Variants in SOX7 observed in about 807,000 individuals in gnomAD.
SOX7 encodes transcription factor SOX-7.
SOX7 carries 19 observed loss-of-function variants against 24.9 expected under a neutral mutation model. The observed-to-expected ratio is 0.76, with a 90% CI of 0.53 to 1.12. SOX7 has a LOEUF of 1.12. Among genes scored for constraint, SOX7 ranks in the 50% most tolerant of loss-of-function variants. SOX7 has a pLI of 0.00. For missense variants in SOX7, 702 were observed against 535.0 expected (o/e 1.31, Z -3.08); for synonymous variants, 327 against 244.5 (o/e 1.34, Z -3.15).
rs1447652166 is a variant in SOX7, at chr8:10,726,192, G to T, written c.713C>A (p.Pro238Gln). 9.9e-6 allele frequency: 16 copies of T among 1,612,532 alleles called. No individual in the cohort carries two copies. The Admixed American group carries it at 1.0e-4, about 10-fold the overall frequency. ...HGHPRRIPHL[P>Q]GHPYSPEYAP... ...GTACTCCGGTGAGTACGGGTGCCCT[G>T]GCAGGTGGGGGATGCGGCGGGGATG... The change falls in exon 2 of 2, where the codon CCA becomes CAA. Residue 238 changes from proline (P) to glutamine (Q), a missense_variant. Pro to Gln is a moderately conservative substitution (Grantham distance 76). Transcript: ENST00000304501.
rs200488622 is a variant in SOX7 at position 10,725,939 on chromosome 8, T to C, written c.966A>G (p.Glu322=). 1.9e-6 allele frequency: 3 copies of C among 1,613,204 alleles called. No individual in the cohort carries two copies. The East Asian group carries it at 6.7e-5, about 36-fold the overall frequency. The change falls in exon 2 of 2, where the codon GAA becomes GAG. Residue 322 remains glutamate (E), a synonymous_variant. Transcript: ENST00000304501. ...FDALDQLSQV[E]LLGDMDRNEF... ...CATTGCGATCCATGTCCCCCAGGAG[T>C]TCCACCTGGCTCAGTTGATCCAGGG...
chr8:10,724,776 G>GCAAT lies in SOX7; in HGVS notation c.*958_*961dup, dbSNP rs1358640058. 4.0e-5 allele frequency: 6 copies of GCAAT among 149,352 alleles called. No individual in the cohort carries two copies. In the East Asian group the frequency reaches 1.2e-3, roughly 29 times the overall value. The allele number at this position is 149,352 out of a possible 1,614,324, so 9.3% of individuals were successfully genotyped here. On this transcript the variant is annotated 3_prime_UTR_variant, in exon 2 of 2. Coordinates refer to ENST00000304501, the MANE Select transcript of SOX7 (RefSeq NM_031439.4). The stretch of plus-strand genomic sequence containing the variant: ...TCACTCTTGTTGCACAGGCTGGAGT[G>GCAAT]CAATGGTGCAATCTCAGCTCACTGC...
At chr8:10,729,545 C>A (rs949079737) in intron 1 of SOX7, 2 of 152,196 alleles carry the variant, frequency 1.3e-5, no homozygotes, top group Non-Finnish European at 2.9e-5. Context: ...AGGAAGAGAG[C>A]GGGTTCCAGG....
At position 10,725,876 on chromosome 8, in the gene SOX7, G is replaced by C. The variant is rs765901505; in HGVS notation, c.1029C>G (p.Asp343Glu). The C allele has an allele frequency of 2.5e-6, 4 of 1,614,112 alleles. No individual in the cohort carries two copies. Among genetic ancestry groups the C allele is most frequent in the South Asian group, 2.2e-5 (2 of 91,092 alleles). The change falls in exon 2 of 2, where the codon GAC becomes GAG. Residue 343 changes from aspartate (D) to glutamate (E), a missense_variant. Physicochemically the swap from Asp to Glu is conservative, Grantham distance 45. Transcript: ENST00000304501. Reference sequence around the variant, plus strand: ...TGAGGGCCATGGCCCCTGTGGCGGAGTCTGGGTGGCCAGGAGTGTTCAAAT... The same window carrying C: ...TGAGGGCCATGGCCCCTGTGGCGGACTCTGGGTGGCCAGGAGTGTTCAAAT... ...DQYLNTPGHP[D>E]SATGAMALSG...
Position 10,726,165 on chromosome 8 carries a change from G to A in SOX7, c.740C>T (p.Ala247Val), listed in dbSNP as rs1290252564. The change falls in exon 2 of 2, where the codon GCC (alanine) becomes GTC (valine). Residue 247 changes from alanine to valine, a missense_variant. Ala to Val is a moderately conservative substitution (Grantham distance 64). Transcript: ENST00000304501. ...GTGGCTACAGTGGAGAGGGCTTGGGGCGTACTCCGGTGAGTACGGGTGCCC... is the reference window on the plus strand; with the variant it reads ...GTGGCTACAGTGGAGAGGGCTTGGGACGTACTCCGGTGAGTACGGGTGCCC... ...LPGHPYSPEYAPSPLHCSHPL... is the reference protein window; with the variant it reads ...LPGHPYSPEYVPSPLHCSHPL... The A allele has an allele frequency of 3.1e-6, 5 of 1,605,768 alleles. No homozygotes were observed. Among genetic ancestry groups the A allele is most frequent in the Non-Finnish European group, 3.4e-6 (4 of 1,176,054 alleles).
rs1056969402 is a variant in SOX7 at position 10,724,636 on chromosome 8, C to G, written c.*1102G>C. 6.6e-6 allele frequency: 1 copy of G among 151,856 alleles called. No homozygotes were observed. The highest frequency in any genetic ancestry group is 1.5e-5 in the Non-Finnish European group (1 of 68,000). The allele number at this position is 151,856 out of a possible 1,614,324, so 9.4% of individuals were successfully genotyped here. On this transcript the variant is annotated 3_prime_UTR_variant, in exon 2 of 2. Coordinates refer to ENST00000304501, the MANE Select transcript of SOX7 (RefSeq NM_031439.4). Reference sequence around the variant, plus strand: ...AAGTTGTCATTGTTAATAAAAATATCTGATTTAGACTTTGAGTTTAGGAGT... The same window carrying G: ...AAGTTGTCATTGTTAATAAAAATATGTGATTTAGACTTTGAGTTTAGGAGT...
intron 1 of SOX7, among the ~76,000 whole-genome samples, chr8:10,727,218 T>A (rs2129063170): frequency 1.3e-5 from 2 of 152,198 alleles, no homozygotes; most frequent in South Asian, 4.2e-4. Flanking sequence ...AAATCAGAGA[T>A]TCTCACTTAG....
chr8:10,725,927 G>A lies in SOX7; in HGVS notation c.978C>T (p.Asp326=), dbSNP rs529374931. The A allele has an allele frequency of 1.9e-6, 3 of 1,614,132 alleles. No individual in the cohort carries two copies. The highest frequency in any genetic ancestry group is 2.5e-6 in the Non-Finnish European group (3 of 1,179,980). ...ACTGGTCGAATTCATTGCGATCCAT[G>A]TCCCCCAGGAGTTCCACCTGGCTCA... is the stretch of plus-strand genomic sequence containing the variant. The part of the protein sequence containing the change: ...DQLSQVELLG[D]MDRNEFDQYL... The change falls in exon 2 of 2, where the codon GAC becomes GAT. Residue 326 remains aspartate, a synonymous_variant. Transcript: ENST00000304501.
intron 1 of SOX7, chr8:10,729,344 T>G (rs1168715818): frequency 6.6e-6 from 1 of 152,236 alleles, no homozygotes; most frequent in Non-Finnish European, 1.5e-5. Flanking sequence ...TTTGAAAGTT[T>G]TTCGCGGATT....
At chr8:10,728,958 C>T (rs1800207774) in intron 1 of SOX7, among the ~76,000 whole-genome samples, 2 of 152,252 alleles carry the variant, frequency 1.3e-5, no homozygotes, top group African/African-American at 4.8e-5. Flanking sequence ...TATGCCAACA[C>T]TGTGTAAAAT....
chr8:10,726,093 A>G lies in SOX7; in HGVS notation c.812T>C (p.Met271Thr). 1.3e-6 allele frequency: 2 copies of G among 1,565,232 alleles called. No individual in the cohort carries two copies. The highest frequency in any genetic ancestry group is 1.7e-6 in the Non-Finnish European group (2 of 1,156,740). The change falls in exon 2 of 2, where the codon ATG (methionine) becomes ACG (threonine). Residue 271 changes from methionine to threonine, a missense_variant. Transcript: ENST00000304501. ...TGGGGGACAGCCGGGTACAGGGGAC[A>G]TCATGGAGACGCCGGGGGACTGGCC... The part of the protein sequence containing the change: ...ALGQSPGVSM[M>T]SPVPGCPPSP...
chr8:10,725,235 G>C lies in SOX7; in HGVS notation c.*503C>G, dbSNP rs112118645. The C allele has an allele frequency of 3.3e-3, 523 of 157,888 alleles. 3 individuals carry two copies. The highest frequency in any genetic ancestry group is 0.012 in the African/African-American group (506 of 41,604). 9.8% of individuals were successfully genotyped at this position (157,888 alleles called of 1,614,324 possible). A position where few individuals can be genotyped will look rare whatever the true frequency, so the allele number is the denominator to read the frequency against. The stretch of plus-strand genomic sequence containing the variant: ...TGAAATTTTGTGGTCACTTTGGAAG[G>C]GGGTGCAGAAAGTGCAGAAAGCCTC... On this transcript the variant is annotated 3_prime_UTR_variant, in exon 2 of 2. Coordinates refer to ENST00000304501, the MANE Select transcript of SOX7 (RefSeq NM_031439.4).
At position 10,725,432 on chromosome 8, in the gene SOX7, T is replaced by C; in HGVS notation, c.*306A>G. ...TCTGTCCCCCCATTAGTTTCGATGATGGCTACCAAGAAAAGACGTCAGTGA... is the reference window on the plus strand; with the variant it reads ...TCTGTCCCCCCATTAGTTTCGATGACGGCTACCAAGAAAAGACGTCAGTGA... On this transcript the variant is annotated 3_prime_UTR_variant, in exon 2 of 2. Transcript: ENST00000304501. The C allele has an allele frequency of 2.4e-6, 1 of 410,370 alleles. No individual in the cohort carries two copies. Among genetic ancestry groups the C allele is most frequent in the Non-Finnish European group, 4.4e-6 (1 of 228,162 alleles). 25.4% of individuals were successfully genotyped at this position (410,370 alleles called of 1,614,324 possible). A position where few individuals can be genotyped will look rare whatever the true frequency, so the allele number is the denominator to read the frequency against.
At chr8:10,729,623 C>T (rs1333880721) in intron 1 of SOX7, 1 of 152,318 alleles carries the variant, frequency 6.6e-6, no homozygotes, top group Middle Eastern at 3.4e-3. Flanking sequence ...CGAATCGAGT[C>T]TATTTGGGTA....
At chr8:10,728,332 G>A (rs1165574646) in intron 1 of SOX7, among the ~76,000 whole-genome samples, 3 of 152,168 alleles carry the variant, frequency 2.0e-5, no homozygotes, top group Non-Finnish European at 2.9e-5. Flanking sequence ...CATTTTTAAT[G>A]TTAAGGTTTG....
At position 10,730,297 on chromosome 8, in the gene SOX7, C is replaced by G. The variant is rs1201854652; in HGVS notation, c.137G>C (p.Arg46Pro). The change falls in exon 1 of 2, where the codon CGG (arginine) becomes CCG (proline). Residue 46 changes from arginine to proline, a missense_variant. Transcript: ENST00000304501. The surrounding 1 kb of genome is among the most constrained non-coding windows in gnomAD (Gnocchi z 4.8). Reference sequence around the variant, plus strand: ...AACCATGAAGGCGTTCATGGGCCGCCGGATACGGCTCTCGGAGCCCTTGTC... The same window carrying G: ...AACCATGAAGGCGTTCATGGGCCGCGGGATACGGCTCTCGGAGCCCTTGTC... Reference protein sequence around the residue: ...PGDKGSESRIRRPMNAFMVWA... With the variant: ...PGDKGSESRIPRPMNAFMVWA... 6.3e-7 allele frequency: 1 copy of G among 1,580,910 alleles called. No homozygotes were observed. Among genetic ancestry groups the G allele is most frequent in the Non-Finnish European group, 8.6e-7 (1 of 1,165,582 alleles).
chr8:10,724,555 C>G lies in SOX7; in HGVS notation c.*1183G>C, dbSNP rs1487927404. The G allele has an allele frequency of 6.6e-6, 1 of 152,124 alleles. No homozygotes were observed. Among genetic ancestry groups the G allele is most frequent in the Non-Finnish European group, 1.5e-5 (1 of 68,028 alleles). 9.4% of individuals were successfully genotyped at this position (152,124 alleles called of 1,614,324 possible). On this transcript the variant is annotated 3_prime_UTR_variant, in exon 2 of 2. Coordinates refer to ENST00000304501, the MANE Select transcript of SOX7 (RefSeq NM_031439.4). ...TGAAGACAGTGACTTTGCTTGGTTG[C>G]AAAGTCCTTTTAGGTACCCTGGGTC... is the stretch of plus-strand genomic sequence containing the variant.
At chr8:10,728,970 C>T (rs1392653672) in intron 1 of SOX7, among the ~76,000 whole-genome samples, 4 of 152,220 alleles carry the variant, frequency 2.6e-5, no homozygotes, top group Non-Finnish European at 4.4e-5. Flanking sequence ...GTGTAAAATA[C>T]AAATGTTACT....
chr8:10,726,271 C>A lies in SOX7; in HGVS notation c.634G>T (p.Val212Leu), dbSNP rs756585518. Residue 212 changes from valine (V) to leucine (L), a missense_variant, in exon 2 of 2, where the codon GTG becomes TTG. Val to Leu is a conservative substitution (Grantham distance 32). Coordinates refer to ENST00000304501, the MANE Select transcript of SOX7 (RefSeq NM_031439.4). ...AAGAAGGTCTGCTCCGGCTCCAGCACGTCCAGGGGAGACATTTCAGGAGGT... is the reference window on the plus strand; with the variant it reads ...AAGAAGGTCTGCTCCGGCTCCAGCAAGTCCAGGGGAGACATTTCAGGAGGT... ...PTPPEMSPLD[V>L]LEPEQTFFSS... The A allele has an allele frequency of 1.2e-6, 2 of 1,613,742 alleles. No individual in the cohort carries two copies. The highest frequency in any genetic ancestry group is 1.3e-5 in the African/African-American group (1 of 74,872).
Sources: gnomAD v4.1 joint callset for allele counts (sites outside exome capture counted in the v4.1 genomes callset) on GRCh38, gnomAD v4.1.1 for gene constraint, Gnocchi (gnomAD v3.1) non-coding constraint, MANE v1.5 for transcripts, NCBI Gene and HGNC (gene_info 2026-07-23, HGNC 2026-07-21) for gene names.